Variants in ZNF335 observed in about 807,000 individuals in gnomAD.
The protein encoded by ZNF335 is NRC-interacting factor 1.
A neutral mutation model predicts 145.6 loss-of-function variants in ZNF335; 84 were observed. The observed-to-expected ratio is 0.58, with a 90% CI of 0.48 to 0.69. The LOEUF (loss-of-function observed/expected upper bound fraction) is 0.69, where lower values mean the gene tolerates loss of function less well. Among genes scored for constraint, ZNF335 ranks in the 30% least tolerant of loss-of-function variants. The pLI is 0.00. For missense variants in ZNF335, 1,865 were observed against 1,809.7 expected, an observed-to-expected ratio of 1.03 and a Z score of -0.55; for synonymous variants, 761 against 717.0, an observed-to-expected ratio of 1.06 and a Z score of -0.98.
chr20:45,949,428 AGGGAGAGGTCATGCAG>A (rs772168361), intron 25 of ZNF335, 30 bp from the exon 26 acceptor site: 1 of 1,613,964 alleles, frequency 6.2e-7, no homozygotes, highest in South Asian at 1.1e-5. Context: ...CTGTGATCCT[AGGGAGAGGTCATGCAG>A]CCCTTCACCA....
intron 8 of ZNF335, 27 bp from the exon 9 acceptor site, chr20:45,963,677 G>T (rs1429540028): frequency 6.2e-7 from 1 of 1,613,994 alleles, no homozygotes. Context: ...TGGCGGAAAG[G>T]TCTGGTGGGG....
At chr20:45,965,866 A>G (rs1255313805) in intron 6 of ZNF335, 92 bp from the exon 7 acceptor site, 1 of 1,417,008 alleles carries the variant, frequency 7.1e-7, no homozygotes, top group Non-Finnish European at 9.4e-7. Context: ...CTACCCCTGC[A>G]TACTCCTCCT....
Position 45,960,324 on chromosome 20 carries a change from G to A in ZNF335, c.1904C>T (p.Ala635Val), listed in dbSNP as rs1384866230. Residue 635 changes from alanine (A) to valine (V), a missense_variant, in exon 14 of 28, where the codon GCA becomes GTA. Physicochemically the swap from Ala to Val is moderately conservative, Grantham distance 64. Transcript: ENST00000322927. ...GTGGGACAACTGGTGGTTCAGCAGT[G>A]CCTTCTTGTCTTCACAAACAAACTC... ...FCEFVCEDKK[A>V]LLNHQLSHVS... 6 of 1,614,086 alleles carry A rather than the reference G, an allele frequency of 3.7e-6. No individual in the cohort carries two copies. The highest frequency in any genetic ancestry group is 1.7e-6 in the Non-Finnish European group (2 of 1,180,034).
chr20:45,964,592 G>A (rs2083914645), intron 7 of ZNF335: 1 of 152,296 alleles, frequency 6.6e-6, no homozygotes, highest in Admixed American at 6.5e-5. Flanking sequence ...TACAGACAAT[G>A]CAGGTAATGT....
chr20:45,962,599 C>A (rs1444403387), intron 9 of ZNF335, among the ~76,000 whole-genome samples: 1 of 152,162 alleles, frequency 6.6e-6, no homozygotes, highest in African/African-American at 2.4e-5. Context: ...GACCACCGTG[C>A]CCGGAAGTAC....
chr20:45,967,597 A>T lies in ZNF335; in HGVS notation c.852T>A (p.Arg284=), dbSNP rs2083979148. 6.2e-7 allele frequency: 1 copy of T among 1,613,922 alleles called. No individual in the cohort carries two copies. The change falls in exon 6 of 28, where the codon CGT becomes CGA. Residue 284 remains arginine (R), a synonymous_variant. Coordinates refer to ENST00000322927, the MANE Select transcript of ZNF335 (RefSeq NM_022095.4). ...TGGTGGAGGTGCTCCACTTCCGTAG[A>T]CGTCCTTTTTTACCAGCTGCTGCTG... The part of the protein sequence containing the change: ...AAAAAAGKKG[R]LRKWSTSTKS...
chr20:45,962,962 C>T (rs1297491878), intron 9 of ZNF335, among the ~76,000 whole-genome samples: 2 of 151,886 alleles, frequency 1.3e-5, no homozygotes, highest in Non-Finnish European at 2.9e-5. Context: ...TACAGGCATG[C>T]ACCACCATGC....
intron 2 of ZNF335, among the ~76,000 whole-genome samples, chr20:45,970,755 G>GTTTTTTTTTTT (rs5841616): frequency 2.3e-5 from 3 of 127,876 alleles, no homozygotes; most frequent in African/African-American, 5.8e-5. Context: ...GGGCACTTGC[G>GTTTTTTTTTTT]TTTTTTTTTT....
At position 45,948,945 on chromosome 20, in the gene ZNF335, C is replaced by T; in HGVS notation, c.*8G>A. On this transcript the variant is annotated 3_prime_UTR_variant, in exon 28 of 28. Coordinates refer to ENST00000322927, the MANE Select transcript of ZNF335 (RefSeq NM_022095.4). ...GCAAATCCATGATCTGTGTTGGGCCCTCGGGGCTCAGTCATCGGCCAGGGT... is the reference window on the plus strand; with the variant it reads ...GCAAATCCATGATCTGTGTTGGGCCTTCGGGGCTCAGTCATCGGCCAGGGT... 5 of 1,613,842 alleles carry T rather than the reference C, an allele frequency of 3.1e-6. No individual in the cohort carries two copies. Among genetic ancestry groups the T allele is most frequent in the Non-Finnish European group, 4.2e-6 (5 of 1,180,030 alleles).
At chr20:45,964,150 C>G (rs2083906549) in intron 7 of ZNF335, 160 bp from the exon 8 acceptor site, 2 of 871,222 alleles carry the variant, frequency 2.3e-6, no homozygotes, top group Non-Finnish European at 3.3e-6. Flanking sequence ...GGTTAGAGGG[C>G]AGCATGGATA....
intron 20 of ZNF335, among the ~76,000 whole-genome samples, chr20:45,950,821 T>C (rs1568805269): frequency 6.6e-6 from 1 of 152,220 alleles, no homozygotes; most frequent in Non-Finnish European, 1.5e-5. Flanking sequence ...ATTAGGTAAA[T>C]TGGAAAATCT....
At chr20:45,966,002 G>A (rs2083945845) in intron 6 of ZNF335, among the ~76,000 whole-genome samples, 1 of 152,052 alleles carries the variant, frequency 6.6e-6, no homozygotes, top group South Asian at 2.1e-4. Flanking sequence ...AGCTCATAAA[G>A]CACCTTCATG....
intron 17 of ZNF335, among the ~76,000 whole-genome samples, chr20:45,957,249 C>T (rs982815003): frequency 6.6e-6 from 1 of 152,154 alleles, no homozygotes; most frequent in Non-Finnish European, 1.5e-5. Flanking sequence ...CTAGTTCAAG[C>T]TGTGGGGGCA....
chr20:45,968,550 G>A (rs2084003236), intron 3 of ZNF335, 188 bp from the exon 4 acceptor site: 1 of 536,840 alleles, frequency 1.9e-6, no homozygotes, highest in African/African-American at 1.9e-5. Context: ...CTGTCTGGAG[G>A]TCTAGTGTGA....
chr20:45,972,118 T>G lies in ZNF335; in HGVS notation c.-51+4A>C. ...GGGGCCGCCTAACTCTACCCGAAGC[T>G]CACCCGAGGCTTTCGTAGCCACGTT... On this transcript the variant is annotated splice_donor_region_variant and intron_variant, in intron 1 of 27. Coordinates refer to ENST00000322927, the MANE Select transcript of ZNF335 (RefSeq NM_022095.4). The G allele has an allele frequency of 7.8e-7, 1 of 1,289,370 alleles. No individual in the cohort carries two copies. The allele number at this position is 1,289,370 out of a possible 1,614,324, so 79.9% of individuals were successfully genotyped here. A position where few individuals can be genotyped will look rare whatever the true frequency, so the allele number is the denominator to read the frequency against.
At chr20:45,953,577 T>A in intron 18 of ZNF335, 112 bp downstream of exon 18, 3 of 1,369,102 alleles carry the variant, frequency 2.2e-6, no homozygotes, top group Non-Finnish European at 3.0e-6. Flanking sequence ...AATCACTTGA[T>A]GTGTATTGGG....
chr20:45,967,537 G>GTCC lies in ZNF335; in HGVS notation c.909_911dup (p.Glu303dup). 1.2e-6 allele frequency: 2 copies of GTCC among 1,613,914 alleles called. No individual in the cohort carries two copies. The highest frequency in any genetic ancestry group is 1.7e-6 in the Non-Finnish European group (2 of 1,179,984). ...CTCCAGCGTCTACAATGTCATCATC[G>GTCC]TCCTCCTCCTCTGGTCCCTCTTCCT... On this transcript the variant is annotated inframe_insertion, in exon 6 of 28. Transcript: ENST00000322927.
rs61555698 is a variant in ZNF335 at position 45,955,350 on chromosome 20, C to CA, written c.2443-1403dup. Reference sequence around the variant, plus strand: ...TGGGCAACAGAGCAAGACTCTGTCTCAAAAAAAAAAAAAAAAAAAAGATTT... The same window carrying CA: ...TGGGCAACAGAGCAAGACTCTGTCTCAAAAAAAAAAAAAAAAAAAAAGATTT... On this transcript the variant is annotated intron_variant, in intron 17 of 27. Transcript: ENST00000322927. Among the ~76,000 whole-genome samples the CA allele has an allele frequency of 6.7e-4, 25 of 37,322 alleles. 1 individual carries two copies. The highest frequency in any genetic ancestry group is 3.7e-3 in the Admixed American group (9 of 2,436). The allele number at this position is 37,322 out of a possible 152,430, so 24.5% of individuals were successfully genotyped here. A position where few individuals can be genotyped will look rare whatever the true frequency, so the allele number is the denominator to read the frequency against.
rs1028352814 is a variant in ZNF335 at position 45,957,630 on chromosome 20, G to A, written c.2398C>T (p.Leu800=). The change falls in exon 17 of 28, where the codon CTG becomes TTG. Residue 800 remains leucine, a synonymous_variant. Transcript: ENST00000322927. ...AGTTCCCGCTGAGCACTCATGTTCAGCAGAAGATCCAAGGCTGTCTGCGTG... is the reference window on the plus strand; with the variant it reads ...AGTTCCCGCTGAGCACTCATGTTCAACAGAAGATCCAAGGCTGTCTGCGTG... ...MATQTALDLL[L]NMSAQRELGG... 1.2e-6 allele frequency: 2 copies of A among 1,614,164 alleles called. No homozygotes were observed. The highest frequency in any genetic ancestry group is 1.7e-6 in the Non-Finnish European group (2 of 1,180,022).
Sources: gnomAD v4.1 joint callset for allele counts (sites outside exome capture counted in the v4.1 genomes callset) on GRCh38, gnomAD v4.1.1 for gene constraint, MANE v1.5 for transcripts, NCBI Gene and HGNC (gene_info 2026-07-23, HGNC 2026-07-21) for gene names.